The following SORCS3 variants were observed in gnomAD, a reference collection of about 807,000 sequenced individuals.
SORCS3 encodes VPS10 domain-containing receptor SorCS3.
SORCS3 carries 57 observed loss-of-function variants against 146.3 expected under a neutral mutation model. The observed-to-expected ratio is 0.39, with a 90% confidence interval of 0.31 to 0.49. The LOEUF is 0.49. Among genes scored for constraint, SORCS3 ranks in the 20% least tolerant of loss-of-function variants. The pLI, the probability that SORCS3 is intolerant of heterozygous loss-of-function variation, is 0.92. For missense variants in SORCS3, 1,341 were observed against 1,575.5 expected (o/e 0.85, Z 2.52); for synonymous variants, 653 against 618.5 (o/e 1.06, Z -0.83).
intron 4 of SORCS3, among the ~76,000 whole-genome samples, chr10:105,021,531 C>G: frequency 6.6e-6 from 1 of 152,158 alleles, no homozygotes; most frequent in East Asian, 1.9e-4. Flanking sequence ...AGAATTCAAG[C>G]GCTCTTTTCC....
rs1680109258 is a variant in SORCS3, at chr10:105,264,330, T to C, written c.*956T>C. On this transcript the variant is annotated 3_prime_UTR_variant, in exon 27 of 27. Coordinates refer to ENST00000369701, the MANE Select transcript of SORCS3 (RefSeq NM_014978.3). ...TCTCTAAAAGGAAAAACTTGATATT[T>C]ATCAGTCTGAGAAAATATTTTTTTC... 1.3e-5 allele frequency: 2 copies of C among 152,194 alleles called. No individual in the cohort carries two copies. The highest frequency in any genetic ancestry group is 4.8e-5 in the African/African-American group (2 of 41,448). 9.4% of individuals were successfully genotyped at this position (152,194 alleles called of 1,614,324 possible). A position where few individuals can be genotyped will look rare whatever the true frequency, so the allele number is the denominator to read the frequency against.
chr10:104,862,343 C>T (rs2018413219), intron 2 of SORCS3, among the ~76,000 whole-genome samples: 1 of 152,042 alleles, frequency 6.6e-6, no homozygotes, highest in African/African-American at 2.4e-5. Context: ...CAAGAGTGGC[C>T]CAGAGTGTGG....
intron 6 of SORCS3, among the ~76,000 whole-genome samples, chr10:105,099,817 A>G (rs2055770866): frequency 6.6e-6 from 1 of 152,154 alleles, no homozygotes; most frequent in Admixed American, 6.5e-5. Flanking sequence ...TCCCACATTC[A>G]CCAGTTCTCT....
Position 105,153,645 on chromosome 10 carries a change from A to G in SORCS3, c.1483-3493A>G, listed in dbSNP as rs61869373. Reference sequence around the variant, plus strand: ...GGAGAGAGAGAGAGAGTGTGTGTGTATGTGTGTGTGTGTGTGTGTGTGTGT... The same window carrying G: ...GGAGAGAGAGAGAGAGTGTGTGTGTGTGTGTGTGTGTGTGTGTGTGTGTGT... On this transcript the variant is annotated intron_variant, in intron 9 of 26. Transcript: ENST00000369701. Among the ~76,000 whole-genome samples the G allele has an allele frequency of 3.0e-3, 437 of 146,306 alleles. 3 individuals carry two copies. The highest frequency in any genetic ancestry group is 0.011 in the South Asian group (52 of 4,538).
rs544273698 is a variant in SORCS3 at position 104,822,940 on chromosome 10, A to G, written c.628-19852A>G. Among the ~76,000 whole-genome samples, 101 of 152,272 alleles carry G rather than the reference A, an allele frequency of 6.6e-4. 1 individual carries two copies. The highest frequency in any genetic ancestry group is 2.3e-3 in the African/African-American group (95 of 41,538). ...GGGATGTGGCTGCCATGGCCCTGTT[A>G]TCTGCCATTCTGGGCTAGGACCTAG... On this transcript the variant is annotated intron_variant, in intron 1 of 26. Coordinates refer to ENST00000369701, the MANE Select transcript of SORCS3 (RefSeq NM_014978.3).
intron 6 of SORCS3, among the ~76,000 whole-genome samples, chr10:105,092,390 C>A (rs572335481): frequency 6.6e-6 from 1 of 152,090 alleles, no homozygotes; most frequent in Non-Finnish European, 1.5e-5. Context: ...CATTATAAAT[C>A]CTCCACTGGA....
intron 1 of SORCS3, among the ~76,000 whole-genome samples, chr10:104,669,881 A>G (rs1030736983): frequency 3.3e-5 from 5 of 149,522 alleles, no homozygotes; most frequent in Admixed American, 1.3e-4. Flanking sequence ...CCACGTCCTC[A>G]CCAACACTTT....
At chr10:105,219,308 C>T (rs2056684933) in intron 19 of SORCS3, among the ~76,000 whole-genome samples, 3 of 152,222 alleles carry the variant, frequency 2.0e-5, no homozygotes, top group Non-Finnish European at 2.9e-5. Context: ...ACAGGACACT[C>T]CTTTATCCAG....
At chr10:105,163,391 G>A (rs2056283338) in intron 11 of SORCS3, among the ~76,000 whole-genome samples, 1 of 152,094 alleles carries the variant, frequency 6.6e-6, no homozygotes, top group African/African-American at 2.4e-5. Context: ...CATGTTTAGG[G>A]TTCCTTCCTG....
At position 104,693,548 on chromosome 10, in the gene SORCS3, A is replaced by G. The variant is rs190437000; in HGVS notation, c.627+51594A>G. ...TTTGGCTCTTGGGTGGGTGTTGAGGATTATGACCGCAACCTTGACAGTAAT... is the reference window on the plus strand; with the variant it reads ...TTTGGCTCTTGGGTGGGTGTTGAGGGTTATGACCGCAACCTTGACAGTAAT... On this transcript the variant is annotated intron_variant, in intron 1 of 26. Transcript: ENST00000369701. Among the ~76,000 whole-genome samples, 261 of 152,284 alleles carry G rather than the reference A, an allele frequency of 1.7e-3. 1 individual carries two copies. The highest frequency in any genetic ancestry group is 5.0e-3 in the South Asian group (24 of 4,822).
At chr10:105,138,425 A>G (rs1484131575) in intron 7 of SORCS3, among the ~76,000 whole-genome samples, 1 of 152,182 alleles carries the variant, frequency 6.6e-6, no homozygotes, top group Non-Finnish European at 1.5e-5. Flanking sequence ...GACTGGGAGG[A>G]CTGGCCTGTC....
chr10:104,659,199 A>G (rs891817669), intron 1 of SORCS3, among the ~76,000 whole-genome samples: 6 of 152,152 alleles, frequency 3.9e-5, no homozygotes, highest in Non-Finnish European at 7.4e-5. Context: ...CAATTAGAGG[A>G]CCATTTTTCA....
At chr10:104,668,600 G>A (rs1432371181) in intron 1 of SORCS3, among the ~76,000 whole-genome samples, 1 of 152,170 alleles carries the variant, frequency 6.6e-6, no homozygotes, top group African/African-American at 2.4e-5. Context: ...GTCTTACCAT[G>A]ATGTCTGTCT....
chr10:105,203,511 G>T (rs2056585824), intron 16 of SORCS3, among the ~76,000 whole-genome samples: 2 of 152,162 alleles, frequency 1.3e-5, no homozygotes, highest in Non-Finnish European at 2.9e-5. Flanking sequence ...ATATTCTCCT[G>T]TGTCTCTGTG....
At chr10:104,840,729 A>G (rs2018128211) in intron 1 of SORCS3, among the ~76,000 whole-genome samples, 1 of 33,216 alleles carries the variant, frequency 3.0e-5, no homozygotes, top group South Asian at 9.7e-4. Context: ...TCTTACCCTC[A>G]GCATCTCTTT....
intron 1 of SORCS3, among the ~76,000 whole-genome samples, chr10:104,765,770 A>AT (rs1332313962): frequency 6.6e-6 from 1 of 152,192 alleles, no homozygotes; most frequent in African/African-American, 2.4e-5. Flanking sequence ...AGCTCATTTA[A>AT]TTTTTTTAAT....
chr10:105,198,498 A>G (rs907943716), intron 14 of SORCS3, among the ~76,000 whole-genome samples: 2 of 152,214 alleles, frequency 1.3e-5, no homozygotes. Flanking sequence ...TTTGTTAAAG[A>G]TTTAAAATGG....
chr10:104,831,068 C>T (rs1430933490), intron 1 of SORCS3, among the ~76,000 whole-genome samples: 3 of 152,108 alleles, frequency 2.0e-5, no homozygotes, highest in South Asian at 2.1e-4. Flanking sequence ...TCAAATGACA[C>T]TCTCACCTCG....
At chr10:104,979,222 C>A (rs1222691511) in intron 4 of SORCS3, among the ~76,000 whole-genome samples, 1 of 152,124 alleles carries the variant, frequency 6.6e-6, no homozygotes, top group Non-Finnish European at 1.5e-5. Context: ...TGTAATCAGT[C>A]CTCAGTGTCT....
Sources: allele counts gnomAD v4.1 joint callset (sites outside exome capture counted in the v4.1 genomes callset), GRCh38; gene constraint gnomAD v4.1.1; transcripts MANE v1.5; gene names NCBI Gene and HGNC (gene_info 2026-07-23, HGNC 2026-07-21).